The following PCDH7 variants were observed in gnomAD, a reference collection of about 807,000 sequenced individuals.
PCDH7 encodes protocadherin 7, also known as protocadherin-7.
Under a neutral mutation model 58.9 loss-of-function variants are expected in PCDH7, and 17 were observed. The observed-to-expected ratio is 0.29, with a 90% CI of 0.20 to 0.43. The LOEUF (loss-of-function observed/expected upper bound fraction) is 0.43, where lower values mean the gene tolerates loss of function less well. Among genes scored for constraint, PCDH7 ranks in the 20% least tolerant of loss-of-function variants. The pLI, the probability that PCDH7 is intolerant of heterozygous loss-of-function variation, is 1.00. For missense variants in PCDH7, 1,274 were observed against 1,441.0 expected, an observed-to-expected ratio of 0.88 and a Z score of 1.88; for synonymous variants, 664 against 616.4, an observed-to-expected ratio of 1.08 and a Z score of -1.14.
chr4:30,875,133 G>T (rs561188005), intron 1 of PCDH7, among the ~76,000 whole-genome samples: 68 of 152,018 alleles, frequency 4.5e-4, no homozygotes, highest in Non-Finnish European at 8.7e-4. Context: ...CAGTCTGGAG[G>T]CTAGAAATCC....
intron 1 of PCDH7, among the ~76,000 whole-genome samples, chr4:30,875,276 C>T (rs1228143954): frequency 6.6e-6 from 1 of 151,932 alleles, no homozygotes; most frequent in Non-Finnish European, 1.5e-5. Flanking sequence ...CCAAATTCCC[C>T]CCTTCTTAAG....
intron 3 of PCDH7, among the ~76,000 whole-genome samples, chr4:31,127,869 C>T (rs1039472169): frequency 1.3e-5 from 2 of 151,796 alleles, no homozygotes; most frequent in Admixed American, 6.6e-5. Flanking sequence ...ACAGTTTACA[C>T]AGAAATAGCC....
intron 1 of PCDH7, among the ~76,000 whole-genome samples, chr4:30,771,965 G>A (rs1193535897): frequency 2.6e-5 from 4 of 152,048 alleles, no homozygotes; most frequent in South Asian, 4.2e-4. Context: ...TCGCCTCCAG[G>A]GTTCAAGCGA....
At chr4:30,815,645 G>A (rs916953957) in intron 1 of PCDH7, among the ~76,000 whole-genome samples, 1 of 152,216 alleles carries the variant, frequency 6.6e-6, no homozygotes, top group Non-Finnish European at 1.5e-5. Flanking sequence ...TCCATTACCA[G>A]TTGAGCGTTC....
intron 1 of PCDH7, among the ~76,000 whole-genome samples, chr4:30,797,454 T>G (rs1724944389): frequency 6.6e-6 from 1 of 151,814 alleles, no homozygotes; most frequent in Non-Finnish European, 1.5e-5. Flanking sequence ...TTTTGTAGTT[T>G]TAGTAGAGAC....
intron 1 of PCDH7, among the ~76,000 whole-genome samples, chr4:30,905,675 T>C (rs1462068924): frequency 5.3e-5 from 8 of 152,292 alleles, no homozygotes; most frequent in African/African-American, 1.7e-4. Context: ...TTCGCATTAG[T>C]TGCTTGTCAA....
chr4:30,811,244 A>G (rs1157313262), intron 1 of PCDH7, among the ~76,000 whole-genome samples: 1 of 152,204 alleles, frequency 6.6e-6, no homozygotes, highest in East Asian at 1.9e-4. Context: ...TGGCAAAGAT[A>G]AGTTTAATTG....
chr4:30,881,425 C>T (rs1736961311), intron 1 of PCDH7, among the ~76,000 whole-genome samples: 1 of 152,102 alleles, frequency 6.6e-6, no homozygotes, highest in South Asian at 2.1e-4. Flanking sequence ...TGGTCAAAGT[C>T]AAGAACAACT....
intron 1 of PCDH7, among the ~76,000 whole-genome samples, chr4:30,813,827 A>G (rs1727305788): frequency 6.6e-6 from 1 of 152,074 alleles, no homozygotes; most frequent in Non-Finnish European, 1.5e-5. Context: ...TTTTTAGTAG[A>G]GATGCGGTTT....
At chr4:31,124,169 A>AG (rs1718017504) in intron 3 of PCDH7, among the ~76,000 whole-genome samples, 1 of 152,172 alleles carries the variant, frequency 6.6e-6, no homozygotes, top group Admixed American at 6.5e-5. Flanking sequence ...AGCCCTCACC[A>AG]GGGACCTTGC....
chr4:31,051,842 G>GGA (rs1756766577), intron 3 of PCDH7, among the ~76,000 whole-genome samples: 2 of 150,366 alleles, frequency 1.3e-5, no homozygotes, highest in South Asian at 4.3e-4. Flanking sequence ...GTGGGGGGCG[G>GGA]GTAGGGGAAT....
intron 2 of PCDH7, among the ~76,000 whole-genome samples, chr4:30,929,208 G>A (rs191630434): frequency 1.3e-5 from 2 of 152,190 alleles, no homozygotes; most frequent in Admixed American, 6.5e-5. Flanking sequence ...GAGTAGATTG[G>A]ATTACATTAT....
chr4:30,986,943 T>G (rs1751023938), intron 3 of PCDH7, among the ~76,000 whole-genome samples: 1 of 151,942 alleles, frequency 6.6e-6, no homozygotes, highest in South Asian at 2.1e-4. Context: ...ATCACGCCAC[T>G]GCACTCCAGC....
At chr4:30,912,240 AG>A (rs1741871908) in intron 1 of PCDH7, among the ~76,000 whole-genome samples, 1 of 152,172 alleles carries the variant, frequency 6.6e-6, no homozygotes, top group African/African-American at 2.4e-5. Flanking sequence ...TTTGTTTCAG[AG>A]TTCTGCCAGA....
intron 3 of PCDH7, among the ~76,000 whole-genome samples, chr4:31,072,813 A>G (rs1758663713): frequency 6.6e-6 from 1 of 152,188 alleles, no homozygotes; most frequent in Non-Finnish European, 1.5e-5. Flanking sequence ...TAAGAACTCA[A>G]TGAAATCAAT....
intron 3 of PCDH7, among the ~76,000 whole-genome samples, chr4:31,079,922 A>T (rs879763070): frequency 5.9e-5 from 9 of 152,132 alleles, no homozygotes; most frequent in Non-Finnish European, 1.0e-4. Flanking sequence ...GGAACACAAA[A>T]TGATGAGGGA....
At chr4:30,943,153 C>G (rs1055244610) in intron 2 of PCDH7, among the ~76,000 whole-genome samples, 6 of 151,762 alleles carry the variant, frequency 4.0e-5, no homozygotes, top group Non-Finnish European at 1.5e-5. Context: ...CATCTTGAAC[C>G]TCCATATCAA....
chr4:31,085,296 T>C (rs1248588487), intron 3 of PCDH7, among the ~76,000 whole-genome samples: 1 of 152,038 alleles, frequency 6.6e-6, no homozygotes, highest in Non-Finnish European at 1.5e-5. Flanking sequence ...TTGCAGGGTC[T>C]GCAAAATATC....
intron 1 of PCDH7, among the ~76,000 whole-genome samples, chr4:30,743,836 T>G (rs533026105): frequency 6.6e-6 from 1 of 152,204 alleles, no homozygotes; most frequent in Non-Finnish European, 1.5e-5. Flanking sequence ...TGGTGAACAT[T>G]GAAACTTTGG....
Sources: allele counts gnomAD v4.1 joint callset (sites outside exome capture counted in the v4.1 genomes callset), GRCh38; gene constraint gnomAD v4.1.1; transcripts MANE v1.5; gene names NCBI Gene and HGNC (gene_info 2026-07-23, HGNC 2026-07-21).